Variants in CTNND2 observed in about 807,000 individuals in gnomAD.
The protein encoded by CTNND2 is catenin delta-2.
A neutral mutation model predicts 144.4 loss-of-function variants in CTNND2; 22 were observed. The ratio of observed to expected loss-of-function variants is 0.15; its 90% CI spans 0.11 to 0.22. The LOEUF (loss-of-function observed/expected upper bound fraction) is 0.22. Among genes scored for constraint, CTNND2 ranks in the 10% least tolerant of loss-of-function variants. CTNND2 has a pLI of 1.00. For missense variants in CTNND2, 1,353 were observed against 1,618.8 expected (o/e 0.84, Z 2.82); for synonymous variants, 751 against 695.6 (o/e 1.08, Z -1.25).
At chr5:11,205,033 G>A (rs1284403675) in intron 10 of CTNND2, among the ~76,000 whole-genome samples, 2 of 152,152 alleles carry the variant, frequency 1.3e-5, no homozygotes, top group Non-Finnish European at 2.9e-5. Context: ...AAGGACCTGG[G>A]TGTGTGCTGC....
chr5:11,098,109 T>G (rs1751531821), intron 15 of CTNND2, among the ~76,000 whole-genome samples: 1 of 151,376 alleles, frequency 6.6e-6, no homozygotes, highest in African/African-American at 2.4e-5. Flanking sequence ...TGTAAGCCCA[T>G]GCTTTAAAAA....
rs139823759 is a variant in CTNND2 at position 11,065,963 on chromosome 5, A to G, written c.2788+16733T>C. Among the ~76,000 whole-genome samples the G allele has an allele frequency of 6.2e-3, 939 of 152,246 alleles. 10 individuals are homozygous for G. The highest frequency in any genetic ancestry group is 0.02 in the African/African-American group (834 of 41,542). On this transcript the variant is annotated intron_variant, in intron 16 of 21. Transcript: ENST00000304623. ...TCTAGCACCCTTTAAAGGTCTGAAT[A>G]GGAAACATTTGTCATCTATTGTCTC...
In CTNND2 at chr5:11,683,551, G is replaced by A. The variant is rs1214355479; in HGVS notation, c.174+48585C>T. 5.3e-5 allele frequency among the ~76,000 whole-genome samples: 8 copies of A among 152,306 alleles called. No homozygotes were observed. In the South Asian group the frequency reaches 1.4e-3, roughly 28 times the overall value. ...AACCTAAGTTGGCAATCCTGTAACTGTTGAAGACCGTCTTTGCACTTACAT... is the reference window on the plus strand; with the variant it reads ...AACCTAAGTTGGCAATCCTGTAACTATTGAAGACCGTCTTTGCACTTACAT... On this transcript the variant is annotated intron_variant, in intron 2 of 21. Coordinates refer to ENST00000304623, the MANE Select transcript of CTNND2 (RefSeq NM_001332.4).
intron 9 of CTNND2, among the ~76,000 whole-genome samples, chr5:11,306,787 G>A (rs1336612309): frequency 6.6e-6 from 1 of 152,204 alleles, no homozygotes; most frequent in Non-Finnish European, 1.5e-5. Context: ...GGCTTGCACT[G>A]CGTCCAAATG....
intron 1 of CTNND2, among the ~76,000 whole-genome samples, chr5:11,787,450 C>G (rs1790893984): frequency 6.6e-6 from 1 of 152,214 alleles, no homozygotes; most frequent in African/African-American, 2.4e-5. Context: ...GCCAACATAT[C>G]TAGCCACCAC....
intron 8 of CTNND2, among the ~76,000 whole-genome samples, chr5:11,349,415 C>T (rs951910101): frequency 3.9e-5 from 6 of 152,080 alleles, no homozygotes; most frequent in Admixed American, 6.5e-5. Context: ...ACCTTACAGA[C>T]AGGAAACTGA....
intron 1 of CTNND2, among the ~76,000 whole-genome samples, chr5:11,780,205 G>A (rs549707495): frequency 4.6e-5 from 7 of 152,272 alleles, no homozygotes; most frequent in Admixed American, 4.6e-4. Context: ...ATCCCCTAGA[G>A]TGCCAGCAGT....
intron 11 of CTNND2, among the ~76,000 whole-genome samples, chr5:11,192,645 G>C (rs1393708084): frequency 6.6e-6 from 1 of 152,150 alleles, no homozygotes; most frequent in Admixed American, 6.5e-5. Flanking sequence ...GTGGAAAGGG[G>C]TCATGAGCCA....
chr5:11,738,962 A>G (rs1787846342), intron 1 of CTNND2, among the ~76,000 whole-genome samples: 1 of 152,142 alleles, frequency 6.6e-6, no homozygotes, highest in East Asian at 1.9e-4. Context: ...TCCAAACTGC[A>G]AGTATGCTGT....
At chr5:11,729,570 A>G (rs1186193143) in intron 2 of CTNND2, among the ~76,000 whole-genome samples, 2 of 152,220 alleles carry the variant, frequency 1.3e-5, no homozygotes, top group Non-Finnish European at 2.9e-5. Context: ...ATATTTATAG[A>G]AAGAATATAA....
chr5:11,451,999 A>C (rs949222362), intron 3 of CTNND2, among the ~76,000 whole-genome samples: 1 of 152,226 alleles, frequency 6.6e-6, no homozygotes, highest in African/African-American at 2.4e-5. Flanking sequence ...CATACGTTGC[A>C]TGGTGATTAC....
intron 21 of CTNND2, among the ~76,000 whole-genome samples, chr5:10,977,157 G>A (rs1341497779): frequency 6.6e-6 from 1 of 152,206 alleles, no homozygotes; most frequent in Non-Finnish European, 1.5e-5. Context: ...TTCCTGGCTG[G>A]GGGACTGAAG....
intron 1 of CTNND2, among the ~76,000 whole-genome samples, chr5:11,840,502 T>A (rs1019336481): frequency 6.6e-6 from 1 of 152,206 alleles, no homozygotes; most frequent in Admixed American, 6.5e-5. Flanking sequence ...TATGGTTTTA[T>A]ATTTTTCAAA....
At chr5:11,300,012 C>T (rs142493284) in intron 9 of CTNND2, among the ~76,000 whole-genome samples, 1 of 152,154 alleles carries the variant, frequency 6.6e-6, no homozygotes, top group Non-Finnish European at 1.5e-5. Flanking sequence ...AAGAAATGGG[C>T]AGCTTTCAGG....
chr5:11,492,636 T>G (rs1450930392), intron 3 of CTNND2, among the ~76,000 whole-genome samples: 1 of 151,794 alleles, frequency 6.6e-6, no homozygotes, highest in Non-Finnish European at 1.5e-5. Context: ...CTATACATAT[T>G]AATAGATATA....
intron 3 of CTNND2, among the ~76,000 whole-genome samples, chr5:11,544,765 T>A (rs1775063178): frequency 6.6e-6 from 1 of 152,018 alleles, no homozygotes; most frequent in Non-Finnish European, 1.5e-5. Context: ...AGTGGATCAC[T>A]TGAGGTCAGG....
intron 7 of CTNND2, among the ~76,000 whole-genome samples, chr5:11,374,773 T>C (rs896312263): frequency 3.3e-4 from 42 of 128,366 alleles, no homozygotes; most frequent in Non-Finnish European, 5.5e-4. Context: ...GCTCCCAATC[T>C]ACTTTTTTTT....
intron 1 of CTNND2, among the ~76,000 whole-genome samples, chr5:11,819,255 G>A (rs1793182814): frequency 6.6e-6 from 1 of 152,074 alleles, no homozygotes; most frequent in Non-Finnish European, 1.5e-5. Flanking sequence ...CCAACGTGGT[G>A]AAACCCTGTT....
chr5:11,252,214 G>A (rs1743735013), intron 9 of CTNND2, among the ~76,000 whole-genome samples: 2 of 152,134 alleles, frequency 1.3e-5, no homozygotes, highest in Admixed American at 1.3e-4. Flanking sequence ...ATCCTTTGTT[G>A]GGCTGATATG....
Sources: allele counts gnomAD v4.1 joint callset (sites outside exome capture counted in the v4.1 genomes callset), GRCh38; gene constraint gnomAD v4.1.1; transcripts MANE v1.5; gene names NCBI Gene and HGNC (gene_info 2026-07-23, HGNC 2026-07-21).